The following SLC16A10 variants were observed in gnomAD, a reference collection of about 807,000 sequenced individuals.
SLC16A10 encodes the protein solute carrier family 16 member 10.
In SLC16A10, 27 loss-of-function variants were observed where a neutral mutation model predicts 40.0. That is an observed-to-expected ratio of 0.67 (90% CI 0.50 to 0.93). The LOEUF (loss-of-function observed/expected upper bound fraction) is 0.93. SLC16A10 is among the 40% of genes least tolerant of loss of function. The pLI is 0.00. For synonymous variants in SLC16A10, 213 were observed against 249.8 expected (o/e 0.85, Z 1.39); for missense variants, 529 against 658.2 (o/e 0.80, Z 2.15).
chr6:111,178,623 T>C (rs1772734880), intron 3 of SLC16A10: 2 of 226,926 alleles, frequency 8.8e-6, no homozygotes, highest in Non-Finnish European at 1.7e-5. Flanking sequence ...TGTTCAAAAG[T>C]GTTCATTATG....
chr6:111,177,972 G>A (rs552006799), intron 3 of SLC16A10, among the ~76,000 whole-genome samples: 4 of 152,192 alleles, frequency 2.6e-5, no homozygotes, highest in East Asian at 1.9e-4. Flanking sequence ...CCAGGAGTTC[G>A]AATCCAGCCT....
intron 1 of SLC16A10, among the ~76,000 whole-genome samples, chr6:111,109,779 T>C (rs1204600272): frequency 3.3e-5 from 5 of 152,136 alleles, no homozygotes; most frequent in African/African-American, 1.2e-4. Context: ...GATTCACATA[T>C]TGATGGATAT....
At chr6:111,116,696 T>C (rs967304228) in intron 1 of SLC16A10, among the ~76,000 whole-genome samples, 1 of 152,174 alleles carries the variant, frequency 6.6e-6, no homozygotes, top group African/African-American at 2.4e-5. Flanking sequence ...AAAATGTGCT[T>C]GCATGTGAGG....
intron 1 of SLC16A10, among the ~76,000 whole-genome samples, chr6:111,093,934 C>G (rs1388158333): frequency 6.6e-6 from 1 of 152,074 alleles, no homozygotes; most frequent in Non-Finnish European, 1.5e-5. Context: ...ACTTCATTTC[C>G]AGAATGTTTC....
intron 3 of SLC16A10, among the ~76,000 whole-genome samples, chr6:111,203,701 G>A (rs1352049824): frequency 1.6e-5 from 2 of 123,488 alleles, no homozygotes; most frequent in South Asian, 2.9e-4. Flanking sequence ...CAGCCTGGGC[G>A]ACAGCGAAAC....
At chr6:111,129,846 A>G (rs1227724791) in intron 1 of SLC16A10, among the ~76,000 whole-genome samples, 1 of 152,232 alleles carries the variant, frequency 6.6e-6, no homozygotes, top group African/African-American at 2.4e-5. Context: ...ACTGATAGAG[A>G]CAATTGTTTC....
Position 111,230,715 on chromosome 6 carries a change from T to C in SLC16A10, c.*8480T>C, listed in dbSNP as rs1771099813. Reference sequence around the variant, plus strand: ...CTGTAGTTATTACTGAAAGAGAGTGTGGATATTTTAAGTATCTCCTAGTAT... The same window carrying C: ...CTGTAGTTATTACTGAAAGAGAGTGCGGATATTTTAAGTATCTCCTAGTAT... On this transcript the variant is annotated 3_prime_UTR_variant, in exon 6 of 6. Coordinates refer to ENST00000368851, the MANE Select transcript of SLC16A10 (RefSeq NM_018593.5). 1 of 152,238 alleles carries C rather than the reference T, an allele frequency of 6.6e-6. No individual in the cohort carries two copies. Among genetic ancestry groups the C allele is most frequent in the Non-Finnish European group, 1.5e-5 (1 of 68,040 alleles). 9.4% of individuals were successfully genotyped at this position (152,238 alleles called of 1,614,324 possible).
At chr6:111,175,052 G>A (rs972868248) in intron 2 of SLC16A10, among the ~76,000 whole-genome samples, 2 of 152,170 alleles carry the variant, frequency 1.3e-5, no homozygotes, top group Non-Finnish European at 2.9e-5. Context: ...AGATACAGGA[G>A]CAAGGGGAAA....
At chr6:111,202,762 C>T (rs1183775582) in intron 3 of SLC16A10, among the ~76,000 whole-genome samples, 1 of 151,606 alleles carries the variant, frequency 6.6e-6, no homozygotes, top group African/African-American at 2.4e-5. Flanking sequence ...TGGCGGGCAC[C>T]TGTAATCCCA....
chr6:111,164,108 T>G (rs1583337705), intron 1 of SLC16A10, among the ~76,000 whole-genome samples: 1 of 152,240 alleles, frequency 6.6e-6, no homozygotes, highest in East Asian at 1.9e-4. Flanking sequence ...ACACAGAATT[T>G]CTTTTGCAAG....
chr6:111,127,333 G>T (rs1456683275), intron 1 of SLC16A10, among the ~76,000 whole-genome samples: 3 of 152,204 alleles, frequency 2.0e-5, no homozygotes, highest in Non-Finnish European at 4.4e-5. Flanking sequence ...ATAGCCACAT[G>T]AATACCTGGG....
At chr6:111,199,006 A>G (rs1773122884) in intron 3 of SLC16A10, among the ~76,000 whole-genome samples, 1 of 152,366 alleles carries the variant, frequency 6.6e-6, no homozygotes, top group Admixed American at 6.5e-5. Flanking sequence ...TCAGTCATGC[A>G]GGTAGGCTGC....
chr6:111,122,058 A>T lies in SLC16A10; in HGVS notation c.343+33963A>T, dbSNP rs1405465944. ...GGGTGATGACTGGGTCACATGGGAG[A>T]GGAGGAAACCCATGTTCTGCTGTCA... On this transcript the variant is annotated intron_variant, in intron 1 of 5. Coordinates refer to ENST00000368851, the MANE Select transcript of SLC16A10 (RefSeq NM_018593.5). Among the ~76,000 whole-genome samples the T allele has an allele frequency of 3.3e-5, 5 of 152,040 alleles. No individual in the cohort carries two copies. In the East Asian group the frequency reaches 5.8e-4, roughly 18 times the overall value.
chr6:111,191,247 C>T (rs1444862474), intron 3 of SLC16A10, among the ~76,000 whole-genome samples: 2 of 152,130 alleles, frequency 1.3e-5, no homozygotes, highest in African/African-American at 4.8e-5. Flanking sequence ...TCAATTCCCA[C>T]TTATGAGTGA....
At chr6:111,113,769 C>T (rs542077571) in intron 1 of SLC16A10, among the ~76,000 whole-genome samples, 1 of 152,258 alleles carries the variant, frequency 6.6e-6, no homozygotes, top group African/African-American at 2.4e-5. Flanking sequence ...AGCAGAGTCA[C>T]AGGAAACAGT....
At chr6:111,117,236 C>T (rs1390834785) in intron 1 of SLC16A10, among the ~76,000 whole-genome samples, 1 of 151,846 alleles carries the variant, frequency 6.6e-6, no homozygotes, top group East Asian at 1.9e-4. Context: ...CCTGTAGTCC[C>T]AGCTACTTGG....
At chr6:111,206,326 C>T (rs963486484) in intron 3 of SLC16A10, among the ~76,000 whole-genome samples, 6 of 152,188 alleles carry the variant, frequency 3.9e-5, no homozygotes, top group Non-Finnish European at 8.8e-5. Context: ...ATCCACCCAC[C>T]TCGACCTCCC....
At chr6:111,163,226 C>T (rs1772406338) in intron 1 of SLC16A10, among the ~76,000 whole-genome samples, 1 of 144,468 alleles carries the variant, frequency 6.9e-6, no homozygotes, top group African/African-American at 2.6e-5. Context: ...GATCTCGGCT[C>T]ACTGCAAGCT....
chr6:111,160,557 C>T (rs958991213), intron 1 of SLC16A10, among the ~76,000 whole-genome samples: 12 of 152,248 alleles, frequency 7.9e-5, no homozygotes, highest in Admixed American at 3.9e-4. Flanking sequence ...GGGACTCACT[C>T]GGCCATGGGC....
Sources: allele counts gnomAD v4.1 joint callset (sites outside exome capture counted in the v4.1 genomes callset), GRCh38; gene constraint gnomAD v4.1.1; transcripts MANE v1.5; gene names NCBI Gene and HGNC (gene_info 2026-07-23, HGNC 2026-07-21).